ADGRL2: variants seen among roughly 807,000 people sequenced by gnomAD.
The protein encoded by ADGRL2 is calcium-independent alpha-latrotoxin receptor 2.
Under a neutral mutation model 157.4 loss-of-function variants are expected in ADGRL2, and 44 were observed. That is an observed-to-expected ratio of 0.28 (90% CI 0.22 to 0.36). ADGRL2 has a LOEUF of 0.36. ADGRL2 is among the 10% of genes least tolerant of loss of function. ADGRL2 has a pLI of 1.00. For synonymous variants in ADGRL2, 585 were observed against 624.7 expected (o/e 0.94, Z 0.95); for missense variants, 1,510 against 1,768.9 (o/e 0.85, Z 2.63).
At chr1:81,500,833 T>C (rs1355700003) in intron 2 of ADGRL2, among the ~76,000 whole-genome samples, 1 of 152,200 alleles carries the variant, frequency 6.6e-6, no homozygotes, top group East Asian at 1.9e-4. Flanking sequence ...AAATTTTATA[T>C]ATATTTTCCC....
chr1:81,522,935 T>C (rs991984922), intron 2 of ADGRL2, among the ~76,000 whole-genome samples: 1 of 152,196 alleles, frequency 6.6e-6, no homozygotes, highest in Admixed American at 6.5e-5. Context: ...CTGAATATGC[T>C]CTAGAGAAGA....
At chr1:81,786,792 T>C (rs2087069789) in intron 2 of ADGRL2, among the ~76,000 whole-genome samples, 1 of 152,240 alleles carries the variant, frequency 6.6e-6, no homozygotes, top group South Asian at 2.1e-4. Context: ...TGCTATATTG[T>C]GTTTTTATTT....
intron 2 of ADGRL2, among the ~76,000 whole-genome samples, chr1:81,766,622 G>GTCC (rs2149328148): frequency 6.6e-6 from 1 of 152,034 alleles, no homozygotes; most frequent in Admixed American, 6.6e-5. Flanking sequence ...CCTGAGGTCG[G>GTCC]AAGTTCAAGA....
At chr1:81,510,837 C>T (rs540157822) in intron 2 of ADGRL2, among the ~76,000 whole-genome samples, 142 of 152,218 alleles carry the variant, frequency 9.3e-4, no homozygotes, top group Admixed American at 1.8e-3. Flanking sequence ...CTTTTTCAGG[C>T]TCCTTCTACG....
intron 1 of ADGRL2, among the ~76,000 whole-genome samples, chr1:81,322,593 A>G (rs1008044706): frequency 6.6e-6 from 1 of 152,160 alleles, no homozygotes; most frequent in African/African-American, 2.4e-5. Flanking sequence ...TAGACATTGT[A>G]AAAAGGACAG....
chr1:81,668,531 G>T (rs988184734), intron 3 of ADGRL2, among the ~76,000 whole-genome samples: 1 of 76,088 alleles, frequency 1.3e-5, no homozygotes, highest in Non-Finnish European at 3.2e-5. Flanking sequence ...AATTTCACTT[G>T]CTTGGATTTT....
At chr1:81,611,276 A>G (rs1249937459) in intron 3 of ADGRL2, among the ~76,000 whole-genome samples, 2 of 152,230 alleles carry the variant, frequency 1.3e-5, no homozygotes, top group Admixed American at 1.3e-4. Flanking sequence ...GACACGGAAG[A>G]TATGGGATCA....
chr1:81,585,319 T>C (rs1314633020), intron 3 of ADGRL2, among the ~76,000 whole-genome samples: 1 of 152,152 alleles, frequency 6.6e-6, no homozygotes. Flanking sequence ...TCTGGAAGTT[T>C]AATAAGACAT....
chr1:81,932,141 A>T (rs1388749295), intron 3 of ADGRL2, among the ~76,000 whole-genome samples: 2 of 152,182 alleles, frequency 1.3e-5, no homozygotes, highest in Admixed American at 6.5e-5. Context: ...GTTATTTTTA[A>T]TGACATACTT....
At chr1:81,571,332 A>G (rs1466376911) in intron 2 of ADGRL2, among the ~76,000 whole-genome samples, 1 of 147,498 alleles carries the variant, frequency 6.8e-6, no homozygotes, top group Non-Finnish European at 1.5e-5. Flanking sequence ...AAAAAAACAA[A>G]TACAAATATA....
At chr1:81,495,224 T>C (rs1409981961) in intron 2 of ADGRL2, among the ~76,000 whole-genome samples, 1 of 152,080 alleles carries the variant, frequency 6.6e-6, no homozygotes, top group African/African-American at 2.4e-5. Flanking sequence ...ACGTAAAAAT[T>C]CCCAGAGAAA....
intron 2 of ADGRL2, among the ~76,000 whole-genome samples, chr1:81,869,034 G>A (rs903874142): frequency 6.6e-6 from 1 of 152,084 alleles, no homozygotes; most frequent in Non-Finnish European, 1.5e-5. Context: ...AGTAGAGATG[G>A]TGTAAAGAAA....
chr1:81,910,708 T>C (rs2148398381), intron 3 of ADGRL2, among the ~76,000 whole-genome samples: 1 of 151,326 alleles, frequency 6.6e-6, no homozygotes, highest in East Asian at 2.0e-4. Flanking sequence ...AAATAATTAT[T>C]GCTTATATAG....
intron 1 of ADGRL2, among the ~76,000 whole-genome samples, chr1:81,351,392 A>C (rs1662873652): frequency 1.3e-5 from 2 of 152,108 alleles, no homozygotes; most frequent in South Asian, 4.1e-4. Flanking sequence ...AGAGAATTAC[A>C]CTTACTTCCC....
intron 2 of ADGRL2, among the ~76,000 whole-genome samples, chr1:81,531,364 G>A (rs1458474558): frequency 6.6e-6 from 1 of 152,162 alleles, no homozygotes; most frequent in Non-Finnish European, 1.5e-5. Context: ...CTGTGTTTGA[G>A]AAATTATATA....
At chr1:81,676,440 G>A (rs2082991424) in intron 3 of ADGRL2, among the ~76,000 whole-genome samples, 1 of 152,096 alleles carries the variant, frequency 6.6e-6, no homozygotes, top group Admixed American at 6.6e-5. Flanking sequence ...TAGGACTACA[G>A]GAACACAGCA....
At chr1:81,758,478 T>C (rs1408132166) in intron 1 of ADGRL2, among the ~76,000 whole-genome samples, 1 of 152,184 alleles carries the variant, frequency 6.6e-6, no homozygotes, top group Admixed American at 6.5e-5. Context: ...CTGTTTGTTT[T>C]TCTCATTTAG....
chr1:81,890,869 G>A (rs986613001), intron 2 of ADGRL2, among the ~76,000 whole-genome samples: 1 of 152,026 alleles, frequency 6.6e-6, no homozygotes, highest in Non-Finnish European at 1.5e-5. Context: ...TTTTTAGATT[G>A]TTCCCACAAA....
At chr1:81,907,993 C>T (rs1037698870) in intron 3 of ADGRL2, among the ~76,000 whole-genome samples, 3 of 152,108 alleles carry the variant, frequency 2.0e-5, no homozygotes, top group African/African-American at 7.2e-5. Flanking sequence ...GCCTAGTGAC[C>T]TCTTAGCCAT....
Sources: allele counts gnomAD v4.1 joint callset (sites outside exome capture counted in the v4.1 genomes callset), GRCh38; gene constraint gnomAD v4.1.1; transcripts MANE v1.5; gene names NCBI Gene and HGNC (gene_info 2026-07-23, HGNC 2026-07-21).